CNTNAP3B: variants seen among roughly 807,000 people sequenced by gnomAD.
The protein encoded by CNTNAP3B is contactin-associated protein-like 3B.
In CNTNAP3B, 25 loss-of-function variants were observed where a neutral mutation model predicts 108.9. The observed-to-expected ratio is 0.23, with a 90% CI of 0.17 to 0.32. The LOEUF (loss-of-function observed/expected upper bound fraction) is 0.32, where lower values mean the gene tolerates loss of function less well. CNTNAP3B is among the 10% of genes least tolerant of loss of function. The pLI is 1.00. For missense variants in CNTNAP3B, 252 were observed against 1,210.4 expected (o/e 0.21, Z 11.75); for synonymous variants, 103 against 473.4 (o/e 0.22, Z 10.16).
intron 10 of CNTNAP3B, among the ~76,000 whole-genome samples, chr9:41,966,517 G>A (rs1466779617): frequency 1.3e-5 from 2 of 152,246 alleles, no homozygotes; most frequent in Non-Finnish European, 2.9e-5. Flanking sequence ...CAGCAGCCTG[G>A]TCAGCACAGC....
intron 3 of CNTNAP3B, among the ~76,000 whole-genome samples, chr9:42,041,529 C>T (rs1415914996): frequency 1.4e-5 from 2 of 143,426 alleles, no homozygotes; most frequent in Non-Finnish European, 3.0e-5. Flanking sequence ...AAATCAAAAC[C>T]ACAATGAGAT....
rs1304043157 is a variant in CNTNAP3B, at chr9:42,091,873, T to A, written c.196+12756A>T. On this transcript the variant is annotated intron_variant, in intron 2 of 23. Coordinates refer to ENST00000377561, the MANE Select transcript of CNTNAP3B (RefSeq NM_001201380.3). ...AACTTTGAGCATCATAAAAAATAAA[T>A]AGGAAGATACATGGAAGAAAAACCA... Among the ~76,000 whole-genome samples the A allele has an allele frequency of 4.2e-5, 4 of 95,834 alleles. 2 individuals are homozygous for A. The East Asian group carries it at 2.1e-3, about 51-fold the overall frequency. 62.9% of individuals were successfully genotyped at this position (95,834 alleles called of 152,430 possible). A position where few individuals can be genotyped will look rare whatever the true frequency, so the allele number is the denominator to read the frequency against.
At chr9:41,961,156 G>A (rs1242163280) in intron 11 of CNTNAP3B, among the ~76,000 whole-genome samples, 39 of 152,290 alleles carry the variant, frequency 2.6e-4, no homozygotes, top group Admixed American at 3.9e-4. Context: ...ATAAATATTC[G>A]GTCACAGTGT....
chr9:41,923,369 G>A (rs1475150596), intron 16 of CNTNAP3B, among the ~76,000 whole-genome samples: 1 of 151,102 alleles, frequency 6.6e-6, no homozygotes, highest in Admixed American at 6.6e-5. Flanking sequence ...TGATGAGTTT[G>A]GTTTAAAGCT....
At chr9:41,966,386 C>T (rs1587157648) in intron 10 of CNTNAP3B, among the ~76,000 whole-genome samples, 2 of 152,412 alleles carry the variant, frequency 1.3e-5, no homozygotes, top group East Asian at 1.9e-4. Context: ...CACTATTTTT[C>T]TTCAACTAAA....
intron 13 of CNTNAP3B, among the ~76,000 whole-genome samples, chr9:41,943,837 C>CA (rs1447463010): frequency 0.12 from 17,368 of 145,378 alleles, 80 homozygotes; most frequent in South Asian, 0.18. Context: ...AGGTTAAATA[C>CA]AAAAAAAACC....
Position 42,077,063 on chromosome 9 carries a change from C to A in CNTNAP3B, c.197-1G>T, listed in dbSNP as rs1827507935. The A allele has an allele frequency of 1.3e-6, 2 of 1,538,392 alleles. 1 individual carries two copies. Among genetic ancestry groups the A allele is most frequent in the African/African-American group, 3.1e-5 (2 of 63,510 alleles). ...ACAAGTGGGGTCCAGCCACCAGCTC[C>A]TTTTTTGAAACAGAAAAAGTATAAA... is the stretch of plus-strand genomic sequence containing the variant. On this transcript the variant is annotated splice_acceptor_variant, in intron 2 of 23. Transcript: ENST00000377561. LOFTEE classifies it high-confidence loss of function.
In CNTNAP3B at chr9:42,093,069, G is replaced by A. The variant is rs1480559288; in HGVS notation, c.196+11560C>T. On this transcript the variant is annotated intron_variant, in intron 2 of 23. Transcript: ENST00000377561. ...CCCACTGTTGATACTACTAATTGCC[G>A]GGCGCGGTGGCTCACACCTGTAATC... Among the ~76,000 whole-genome samples, 13 of 95,996 alleles carry A rather than the reference G, an allele frequency of 1.4e-4. 5 individuals carry two copies. Among genetic ancestry groups the A allele is most frequent in the African/African-American group, 3.5e-4 (9 of 25,678 alleles). 63.0% of individuals were successfully genotyped at this position (95,996 alleles called of 152,430 possible). A position where few individuals can be genotyped will look rare whatever the true frequency, so the allele number is the denominator to read the frequency against.
rs1373677835 is a variant in CNTNAP3B at position 42,115,413 on chromosome 9, CCTT to C, written c.86-10677_86-10675del. 2.2e-5 allele frequency among the ~76,000 whole-genome samples: 3 copies of C among 137,718 alleles called. 1 individual carries two copies. The highest frequency in any genetic ancestry group is 4.6e-5 in the Non-Finnish European group (3 of 64,520). The allele number at this position is 137,718 out of a possible 152,430, so 90.3% of individuals were successfully genotyped here. On this transcript the variant is annotated intron_variant, in intron 1 of 23. Transcript: ENST00000377561. ...AGATCTGAGAATGGAAAGACTGCCT[CCTT>C]AAGTGGGTCCCTGACCCCTGCGTAG...
rs1457124456 is a variant in CNTNAP3B at position 42,097,023 on chromosome 9, A to T, written c.196+7606T>A. Among the ~76,000 whole-genome samples, 3 of 136,734 alleles carry T rather than the reference A, an allele frequency of 2.2e-5. 1 individual carries two copies. Among genetic ancestry groups the T allele is most frequent in the Non-Finnish European group, 1.6e-5 (1 of 64,372 alleles). 89.7% of individuals were successfully genotyped at this position (136,734 alleles called of 152,430 possible). A position where few individuals can be genotyped will look rare whatever the true frequency, so the allele number is the denominator to read the frequency against. On this transcript the variant is annotated intron_variant, in intron 2 of 23. Coordinates refer to ENST00000377561, the MANE Select transcript of CNTNAP3B (RefSeq NM_001201380.3). The stretch of plus-strand genomic sequence containing the variant: ...CGCCTCAGCCTCCCAAAGTGCTGGG[A>T]TTACAGGCGTGAACCACTGTGCCCG...
Position 41,973,697 on chromosome 9 carries a change from C to A in CNTNAP3B, c.1478-3452G>T, listed in dbSNP as rs1236084393. 3.2e-4 allele frequency among the ~76,000 whole-genome samples: 45 copies of A among 139,652 alleles called. 7 individuals are homozygous for A. The highest frequency in any genetic ancestry group is 1.1e-3 in the African/African-American group (38 of 35,220). The allele number at this position is 139,652 out of a possible 152,430, so 91.6% of individuals were successfully genotyped here. A position where few individuals can be genotyped will look rare whatever the true frequency, so the allele number is the denominator to read the frequency against. ...CTATTTCAGGCATGAATGCAAAAAA[C>A]TGCAGGCTATATGCACAACCTGCAA... On this transcript the variant is annotated intron_variant, in intron 9 of 23. Transcript: ENST00000377561.
intron 16 of CNTNAP3B, 109 bp downstream of exon 16, chr9:41,923,811 TATA>T (rs1823733093): frequency 6.8e-7 from 1 of 1,479,928 alleles, no homozygotes; most frequent in African/African-American, 1.4e-5. Flanking sequence ...TTTAGTGTTT[TATA>T]ATGAAATAGA....
At chr9:42,046,836 A>G (rs1303760821) in intron 3 of CNTNAP3B, among the ~76,000 whole-genome samples, 1 of 94,686 alleles carries the variant, frequency 1.1e-5, no homozygotes, top group Non-Finnish European at 2.2e-5. Context: ...AACTACGTAC[A>G]CTTTGAAAAA....
rs1825675250 is a variant in CNTNAP3B, at chr9:41,983,712, C to A, written c.1477+2456G>T. ...GCATGGCTGCATTTTTCTGAGGACT[C>A]CTATGTTATCATCCACTCAAGATAC... is the stretch of plus-strand genomic sequence containing the variant. On this transcript the variant is annotated intron_variant, in intron 9 of 23. Coordinates refer to ENST00000377561, the MANE Select transcript of CNTNAP3B (RefSeq NM_001201380.3). The A allele has an allele frequency of 2.2e-5, 2 of 91,638 alleles. 1 individual carries two copies. The highest frequency in any genetic ancestry group is 6.5e-4 in the South Asian group (2 of 3,098). 5.7% of individuals were successfully genotyped at this position (91,638 alleles called of 1,614,324 possible).
intron 3 of CNTNAP3B, among the ~76,000 whole-genome samples, chr9:42,064,016 C>CT (rs1182715069): frequency 6.9e-6 from 1 of 144,992 alleles, no homozygotes; most frequent in Non-Finnish European, 1.5e-5. Flanking sequence ...ACTTTATATT[C>CT]TTTTTTCTCC....
intron 2 of CNTNAP3B, among the ~76,000 whole-genome samples, chr9:42,095,209 T>C (rs1236265276): frequency 1.4e-5 from 2 of 138,064 alleles, no homozygotes; most frequent in Non-Finnish European, 3.1e-5. Context: ...TAACCACCAT[T>C]CTACTCTCTA....
intron 18 of CNTNAP3B, among the ~76,000 whole-genome samples, chr9:41,918,245 C>G (rs1325788666): frequency 6.6e-6 from 1 of 150,514 alleles, no homozygotes; most frequent in Non-Finnish European, 1.5e-5. Flanking sequence ...AAGACCAACC[C>G]TCCTTCAAGG....
At position 42,077,974 on chromosome 9, in the gene CNTNAP3B, AAG is replaced by A. The variant is rs1195213590; in HGVS notation, c.197-914_197-913del. ...TTCTTTAATAATCAATGTCTAGAAA[AAG>A]AGAGTGCTCTATAAACTATTCCCAA... On this transcript the variant is annotated intron_variant, in intron 2 of 23. Transcript: ENST00000377561. 3.8e-5 allele frequency among the ~76,000 whole-genome samples: 2 copies of A among 52,804 alleles called. 1 individual carries two copies. The highest frequency in any genetic ancestry group is 8.3e-5 in the Non-Finnish European group (2 of 23,982). 34.6% of individuals were successfully genotyped at this position (52,804 alleles called of 152,430 possible). A position where few individuals can be genotyped will look rare whatever the true frequency, so the allele number is the denominator to read the frequency against.
chr9:42,075,594 G>A lies in CNTNAP3B; in HGVS notation c.390+1275C>T, dbSNP rs975158694. The stretch of plus-strand genomic sequence containing the variant: ...TGGCAAATGACATTGCCTTGGCTAT[G>A]GTTTCCCTCTGAACTGCTTAACTTG... On this transcript the variant is annotated intron_variant, in intron 3 of 23. Transcript: ENST00000377561. Among the ~76,000 whole-genome samples, 5 of 121,280 alleles carry A rather than the reference G, an allele frequency of 4.1e-5. 1 individual carries two copies. Among genetic ancestry groups the A allele is most frequent in the Non-Finnish European group, 8.6e-5 (5 of 57,840 alleles). The allele number at this position is 121,280 out of a possible 152,430, so 79.6% of individuals were successfully genotyped here.
Sources: gnomAD v4.1 joint callset for allele counts (sites outside exome capture counted in the v4.1 genomes callset) on GRCh38, gnomAD v4.1.1 for gene constraint, MANE v1.5 for transcripts, NCBI Gene and HGNC (gene_info 2026-07-23, HGNC 2026-07-21) for gene names.